ARHGAP31: variants seen among roughly 807,000 people sequenced by gnomAD.
The protein encoded by ARHGAP31 is Rho GTPase activating protein 31.
A neutral mutation model predicts 113.9 loss-of-function variants in ARHGAP31; 34 were observed. The ratio of observed to expected loss-of-function variants is 0.30; its 90% CI spans 0.23 to 0.40. ARHGAP31 has a LOEUF of 0.40. Ranked by LOEUF, ARHGAP31 falls within the 10% of genes least tolerant of loss-of-function variation. The probability of loss-of-function intolerance (pLI) is 1.00; values close to 1 mark genes in which losing one functional copy is unlikely to be tolerated. For missense variants in ARHGAP31, 1,548 were observed against 1,767.1 expected, an observed-to-expected ratio of 0.88 and a Z score of 2.22; for synonymous variants, 650 against 684.8, an observed-to-expected ratio of 0.95 and a Z score of 0.79.
At chr3:119,402,494 C>T in intron 10 of ARHGAP31, 97 bp downstream of exon 10, 2 of 1,342,386 alleles carry the variant, frequency 1.5e-6, no homozygotes, top group South Asian at 2.5e-5. Flanking sequence ...GGTGGTTAAG[C>T]CTGTGGGCTC....
Position 119,418,486 on chromosome 3 carries a change from G to A in ARHGAP31, c.*2222G>A, listed in dbSNP as rs2080796960. On this transcript the variant is annotated 3_prime_UTR_variant, in exon 12 of 12. Coordinates refer to ENST00000264245, the MANE Select transcript of ARHGAP31 (RefSeq NM_020754.4). ...ATGTTCCAGTTAGAATGCGAGGGAG[G>A]GAAAGAGCTGCACTTTGCTTCACCA... 1.3e-5 allele frequency: 2 copies of A among 152,116 alleles called. No homozygotes were observed. 9.4% of individuals were successfully genotyped at this position (152,116 alleles called of 1,614,324 possible). A position where few individuals can be genotyped will look rare whatever the true frequency, so the allele number is the denominator to read the frequency against.
intron 1 of ARHGAP31, among the ~76,000 whole-genome samples, chr3:119,311,074 C>T (rs970348065): frequency 7.2e-5 from 11 of 152,196 alleles, no homozygotes; most frequent in Admixed American, 2.0e-4. Flanking sequence ...CTCCCCATCA[C>T]GCCTGTCCGT....
At chr3:119,383,603 C>T (rs529524893) in intron 6 of ARHGAP31, among the ~76,000 whole-genome samples, 1 of 152,308 alleles carries the variant, frequency 6.6e-6, no homozygotes, top group South Asian at 2.1e-4. Flanking sequence ...TTCATCTTTA[C>T]TTTCACTGTA....
intron 8 of ARHGAP31, among the ~76,000 whole-genome samples, chr3:119,397,801 C>A (rs553539878): frequency 5.3e-5 from 8 of 152,262 alleles, no homozygotes; most frequent in Non-Finnish European, 7.3e-5. Context: ...CTAACTGCTT[C>A]TCATAGAACC....
intron 10 of ARHGAP31, among the ~76,000 whole-genome samples, chr3:119,406,357 A>T (rs1010746546): frequency 8.5e-5 from 13 of 152,206 alleles, no homozygotes; most frequent in African/African-American, 3.1e-4. Flanking sequence ...TATATTTAAA[A>T]ATTATGGATG....
At position 119,294,741 on chromosome 3, in the gene ARHGAP31, C is replaced by CCGCGGGGTCCATG. The variant is rs1305885792; in HGVS notation, c.-160_-148dup. ...ATCTCAGGCTCTGCCGGCCCGCGGC[C>CCGCGGGGTCCATG]CGCGGGGTCCATGCGCAGGGCCCCC... On this transcript the variant is annotated 5_prime_UTR_variant, in exon 1 of 12. The change creates a new upstream start codon in the 5' untranslated region. Transcript: ENST00000264245. 4.4e-6 allele frequency: 3 copies of CCGCGGGGTCCATG among 688,158 alleles called. No homozygotes were observed. Among genetic ancestry groups the CCGCGGGGTCCATG allele is most frequent in the East Asian group, 2.7e-5 (1 of 36,972 alleles). 42.6% of individuals were successfully genotyped at this position (688,158 alleles called of 1,614,324 possible).
At chr3:119,408,032 AACCTAGAGATAAG>A (rs1347238770) in intron 10 of ARHGAP31, among the ~76,000 whole-genome samples, 14 of 66,564 alleles carry the variant, frequency 2.1e-4, no homozygotes, top group African/African-American at 7.2e-4. Context: ...TATTACAAGC[AACCTAGAGATAAG>A]CAACCTAGAG....
At chr3:119,371,033 A>G (rs539592923) in intron 3 of ARHGAP31, among the ~76,000 whole-genome samples, 2 of 152,320 alleles carry the variant, frequency 1.3e-5, no homozygotes, top group East Asian at 1.9e-4. Context: ...ACAAAAAATA[A>G]TACCTTATTG....
chr3:119,318,109 A>C (rs1040100542), intron 1 of ARHGAP31, among the ~76,000 whole-genome samples: 9 of 152,224 alleles, frequency 5.9e-5, no homozygotes, highest in Non-Finnish European at 1.0e-4. Context: ...CAAAAAAAAA[A>C]AAAAATTTTC....
chr3:119,297,359 C>A (rs987696214), intron 1 of ARHGAP31, among the ~76,000 whole-genome samples: 1 of 152,216 alleles, frequency 6.6e-6, no homozygotes, highest in Non-Finnish European at 1.5e-5. Flanking sequence ...GGAACTGGCC[C>A]TCTGCCCACC....
At chr3:119,311,728 C>G (rs1213292639) in intron 1 of ARHGAP31, among the ~76,000 whole-genome samples, 1 of 152,174 alleles carries the variant, frequency 6.6e-6, no homozygotes, top group Non-Finnish European at 1.5e-5. Flanking sequence ...AGCTGGGACA[C>G]TGGGAGGAAC....
At chr3:119,408,117 C>T (rs558678990) in intron 10 of ARHGAP31, among the ~76,000 whole-genome samples, 1 of 152,140 alleles carries the variant, frequency 6.6e-6, no homozygotes, top group South Asian at 2.1e-4. Flanking sequence ...AAAAGATGTG[C>T]ATAGGTTATA....
chr3:119,406,146 T>A (rs2080658614), intron 10 of ARHGAP31, among the ~76,000 whole-genome samples: 1 of 152,112 alleles, frequency 6.6e-6, no homozygotes, highest in African/African-American at 2.4e-5. Context: ...TTGCATGCCA[T>A]AATGGAGGCA....
intron 6 of ARHGAP31, among the ~76,000 whole-genome samples, chr3:119,384,042 G>A (rs1461730028): frequency 6.6e-6 from 1 of 152,208 alleles, no homozygotes; most frequent in Non-Finnish European, 1.5e-5. Context: ...TGCTGATGCT[G>A]CTGTTCAGGT....
At position 119,355,971 on chromosome 3, in the gene ARHGAP31, C is replaced by G. The variant is rs745467862; in HGVS notation, c.101-9345C>G. ...TCAAGGCTATTCTAGATGAATAAGA[C>G]ACGGGACTGTCCTCATTGTCCCCAA... is the stretch of plus-strand genomic sequence containing the variant. On this transcript the variant is annotated intron_variant, in intron 1 of 11. Coordinates refer to ENST00000264245, the MANE Select transcript of ARHGAP31 (RefSeq NM_020754.4). Among the ~76,000 whole-genome samples the G allele has an allele frequency of 2.0e-5, 3 of 152,146 alleles. No homozygotes were observed. In the South Asian group the frequency reaches 6.2e-4, roughly 32 times the overall value.
chr3:119,418,504 C>T lies in ARHGAP31; in HGVS notation c.*2240C>T, dbSNP rs2080797320. On this transcript the variant is annotated 3_prime_UTR_variant, in exon 12 of 12. Coordinates refer to ENST00000264245, the MANE Select transcript of ARHGAP31 (RefSeq NM_020754.4). ...GAGGGAGGGAAAGAGCTGCACTTTG[C>T]TTCACCATCAGAACTCTGAGCCAAA... The T allele has an allele frequency of 1.3e-5, 2 of 152,114 alleles. No individual in the cohort carries two copies. The highest frequency in any genetic ancestry group is 1.5e-5 in the Non-Finnish European group (1 of 68,020). 9.4% of individuals were successfully genotyped at this position (152,114 alleles called of 1,614,324 possible). A position where few individuals can be genotyped will look rare whatever the true frequency, so the allele number is the denominator to read the frequency against.
At chr3:119,302,707 T>C (rs2079595049) in intron 1 of ARHGAP31, among the ~76,000 whole-genome samples, 2 of 152,216 alleles carry the variant, frequency 1.3e-5, no homozygotes, top group African/African-American at 4.8e-5. Context: ...AAAGGCAGAA[T>C]TGAAATCAAG....
At chr3:119,320,316 T>C (rs991956226) in intron 1 of ARHGAP31, among the ~76,000 whole-genome samples, 8 of 152,204 alleles carry the variant, frequency 5.3e-5, no homozygotes, top group African/African-American at 1.9e-4. Context: ...TTGATATTCT[T>C]CCTTCCCTCC....
At chr3:119,391,096 G>C in intron 7 of ARHGAP31, 113 bp downstream of exon 7, 5 of 1,201,046 alleles carry the variant, frequency 4.2e-6, no homozygotes, top group Non-Finnish European at 6.0e-6. Context: ...GGTACCGTCT[G>C]GGTTGGGGTT....
Sources: allele counts gnomAD v4.1 joint callset (sites outside exome capture counted in the v4.1 genomes callset), GRCh38; gene constraint gnomAD v4.1.1; transcripts MANE v1.5; gene names NCBI Gene and HGNC (gene_info 2026-07-23, HGNC 2026-07-21).